Variants in ACTMAP observed in about 807,000 individuals in gnomAD.
ACTMAP encodes the protein UPF0692 protein C19orf54.
At chr19:40,749,591 A>G in the ACTMAP span, 6 of 1,551,080 alleles carry the variant, frequency 3.9e-6, no homozygotes, top group African/African-American at 8.2e-5. Context: ...GGCCGAAGAC[A>G]TGACGGGGAG....
At chr19:40,745,814 A>G in the ACTMAP span, among the ~76,000 whole-genome samples, 3 of 152,294 alleles carry the variant, frequency 2.0e-5, no homozygotes, top group South Asian at 4.1e-4. Flanking sequence ...CTGGGATTAC[A>G]GGCATGCGCC....
chr19:40,744,606 C>G, the ACTMAP span: 19 of 1,613,854 alleles, frequency 1.2e-5, no homozygotes, highest in Admixed American at 1.7e-5. Context: ...CGTGGCCACC[C>G]GTATGAGTCT....
chr19:40,741,465 T>C, the ACTMAP span: 2 of 275,676 alleles, frequency 7.3e-6, no homozygotes, highest in South Asian at 3.4e-5. Flanking sequence ...GCAACAGTGC[T>C]CTGTAGTTTC....
At chr19:40,749,576 C>T in the ACTMAP span, 12 of 1,551,216 alleles carry the variant, frequency 7.7e-6, no homozygotes, top group Non-Finnish European at 9.6e-6. Context: ...GCTGGCTCTT[C>T]TCCAGGCCGA....
chr19:40,745,891 C>T, the ACTMAP span, among the ~76,000 whole-genome samples: 13 of 152,134 alleles, frequency 8.5e-5, no homozygotes, highest in East Asian at 9.6e-4. Flanking sequence ...AGGCTGGTCT[C>T]GAATTCCTGA....
chr19:40,750,457 A>T, the ACTMAP span: 1 of 149,206 alleles, frequency 6.7e-6, no homozygotes, highest in Admixed American at 6.6e-5. Flanking sequence ...AGGAGTCAGG[A>T]AGTAAAGTGC....
the ACTMAP span, among the ~76,000 whole-genome samples, chr19:40,747,867 A>AAAACAAAC: frequency 4.6e-5 from 7 of 152,132 alleles, no homozygotes; most frequent in East Asian, 3.9e-4. Context: ...CCCTGTCCCA[A>AAAACAAAC]AAACAAACAA....
chr19:40,742,915 G>A, the ACTMAP span: 1 of 813,106 alleles, frequency 1.2e-6, no homozygotes. Flanking sequence ...TGGCCAGTGG[G>A]TTGGGATTTG....
At chr19:40,749,840 G>A in the ACTMAP span, 3 of 1,355,930 alleles carry the variant, frequency 2.2e-6, no homozygotes, top group Non-Finnish European at 2.9e-6. Flanking sequence ...GGTTCAGAAA[G>A]CGGGGAGGGA....
chr19:40,749,361 G>A, the ACTMAP span: 3 of 1,013,416 alleles, frequency 3.0e-6, no homozygotes, highest in Middle Eastern at 3.1e-4. Flanking sequence ...GATCTAGGTG[G>A]GGGACCTAAG....
chr19:40,749,982 T>A, the ACTMAP span: 1 of 501,390 alleles, frequency 2.0e-6, no homozygotes, highest in Non-Finnish European at 3.4e-6. Context: ...GGAGCAGGAA[T>A]TGCGAGGCTG....
At chr19:40,744,648 A>G in the ACTMAP span, 1 of 1,613,188 alleles carries the variant, frequency 6.2e-7, no homozygotes, top group Non-Finnish European at 8.5e-7. Context: ...GGGCGACAGG[A>G]GAGTACCTGC....
At chr19:40,743,593 T>C in the ACTMAP span, among the ~76,000 whole-genome samples, 1 of 152,154 alleles carries the variant, frequency 6.6e-6, no homozygotes, top group Non-Finnish European at 1.5e-5. Flanking sequence ...AGGTGGGTAC[T>C]GTTACCCCCA....
chr19:40,749,517 T>A, the ACTMAP span: 1 of 1,550,514 alleles, frequency 6.4e-7, no homozygotes, highest in Non-Finnish European at 8.7e-7. Flanking sequence ...CTTCACATCT[T>A]CTCTGCCCTT....
At chr19:40,746,470 G>A in the ACTMAP span, among the ~76,000 whole-genome samples, 1 of 152,044 alleles carries the variant, frequency 6.6e-6, no homozygotes, top group Admixed American at 6.6e-5. Flanking sequence ...CTGCCTCCCG[G>A]GTTCACGCCA....
the ACTMAP span, chr19:40,742,266 T>C: frequency 1.3e-6 from 1 of 766,414 alleles, no homozygotes; most frequent in East Asian, 2.7e-5. Flanking sequence ...AATCTCTCCC[T>C]AGAGGGACCA....
the ACTMAP span, among the ~76,000 whole-genome samples, chr19:40,748,204 C>T: frequency 6.6e-6 from 1 of 152,110 alleles, no homozygotes; most frequent in Non-Finnish European, 1.5e-5. Flanking sequence ...TGGCTCACGC[C>T]TGTAATCCCA....
At chr19:40,743,042 C>T in the ACTMAP span, among the ~76,000 whole-genome samples, 1 of 152,126 alleles carries the variant, frequency 6.6e-6, no homozygotes. Context: ...GTCACCCGGT[C>T]ATCCTCAGCT....
chr19:40,744,157 C>A, the ACTMAP span: 3 of 1,605,514 alleles, frequency 1.9e-6, no homozygotes, highest in Non-Finnish European at 1.7e-6. Context: ...CTTGGCCTGG[C>A]AGCCCAGCAC....
Sources: allele counts gnomAD v4.1 joint callset (sites outside exome capture counted in the v4.1 genomes callset), GRCh38; gene constraint gnomAD v4.1.1; transcripts MANE v1.5; gene names NCBI Gene and HGNC (gene_info 2026-07-23, HGNC 2026-07-21).